MEI4: variants seen among roughly 807,000 people sequenced by gnomAD.
MEI4 encodes meiosis-specific protein MEI4.
Under a neutral mutation model 31.4 loss-of-function variants are expected in MEI4, and 27 were observed. That is an observed-to-expected ratio of 0.86 (90% CI 0.63 to 1.19). MEI4 has a LOEUF of 1.19. Among genes scored for constraint, MEI4 ranks in the 50% most tolerant of loss-of-function variants. The pLI, the probability that MEI4 is intolerant of heterozygous loss-of-function variation, is 0.00. For missense variants in MEI4, 329 were observed against 398.9 expected, an observed-to-expected ratio of 0.82 and a Z score of 1.49; for synonymous variants, 122 against 145.4, an observed-to-expected ratio of 0.84 and a Z score of 1.16.
chr6:77,867,976 C>G (rs895321904), intron 4 of MEI4, among the ~76,000 whole-genome samples: 1 of 151,798 alleles, frequency 6.6e-6, no homozygotes, highest in Non-Finnish European at 1.5e-5. Flanking sequence ...GACAAAAAAA[C>G]CAAACACCGC....
intron 2 of MEI4, among the ~76,000 whole-genome samples, chr6:77,703,408 A>G (rs1673135919): frequency 6.6e-6 from 1 of 152,206 alleles, no homozygotes; most frequent in Non-Finnish European, 1.5e-5. Context: ...TAAATGAAGA[A>G]TGACAATGTT....
At chr6:77,745,705 A>G (rs374755947) in intron 2 of MEI4, among the ~76,000 whole-genome samples, 5 of 152,288 alleles carry the variant, frequency 3.3e-5, no homozygotes, top group African/African-American at 9.6e-5. Context: ...TCCAAAATTG[A>G]CCACATACTG....
intron 4 of MEI4, among the ~76,000 whole-genome samples, chr6:77,890,224 C>T (rs1771725572): frequency 6.6e-6 from 1 of 152,152 alleles, no homozygotes. Context: ...TCAACACCAG[C>T]CCATGAAAGC....
intron 1 of MEI4, among the ~76,000 whole-genome samples, chr6:77,661,402 C>A (rs12529047): frequency 0.083 from 12,551 of 152,130 alleles, 712 homozygotes; most frequent in East Asian, 0.22. Context: ...CCGCGGTGGC[C>A]TTCTCAGACC....
At chr6:77,827,625 G>C (rs1445022962) in intron 3 of MEI4, among the ~76,000 whole-genome samples, 1 of 152,034 alleles carries the variant, frequency 6.6e-6, no homozygotes, top group Non-Finnish European at 1.5e-5. Flanking sequence ...TTAAATACAG[G>C]AAGATGTGAA....
At chr6:77,760,100 C>G (rs1768008020) in intron 2 of MEI4, among the ~76,000 whole-genome samples, 1 of 152,008 alleles carries the variant, frequency 6.6e-6, no homozygotes, top group African/African-American at 2.4e-5. Flanking sequence ...TTAGATTTAG[C>G]TTTAAATGCA....
intron 4 of MEI4, among the ~76,000 whole-genome samples, chr6:77,870,064 A>G (rs1771154322): frequency 6.6e-6 from 1 of 152,094 alleles, no homozygotes; most frequent in Non-Finnish European, 1.5e-5. Flanking sequence ...TAAAGAGAGG[A>G]AAGGGGGCAA....
upstream of MEI4, among the ~76,000 whole-genome samples, chr6:77,650,285 C>T (rs911595809): frequency 2.6e-5 from 4 of 152,210 alleles, no homozygotes; most frequent in Non-Finnish European, 5.9e-5. Context: ...GAGTTATTTT[C>T]TCTGGACTGG....
At chr6:77,770,631 G>GGT (rs775073613) in intron 3 of MEI4, among the ~76,000 whole-genome samples, 5 of 152,072 alleles carry the variant, frequency 3.3e-5, no homozygotes, top group Non-Finnish European at 7.4e-5. Flanking sequence ...GAAACAGCAA[G>GGT]GTGCTGGTAT....
intron 3 of MEI4, among the ~76,000 whole-genome samples, chr6:77,789,696 C>A (rs1337523661): frequency 6.6e-6 from 1 of 152,092 alleles, no homozygotes; most frequent in Non-Finnish European, 1.5e-5. Flanking sequence ...AAATCAAAAC[C>A]ACAATGAGAT....
chr6:77,738,337 C>T (rs1767309404), intron 2 of MEI4, among the ~76,000 whole-genome samples: 1 of 152,088 alleles, frequency 6.6e-6, no homozygotes, highest in Admixed American at 6.6e-5. Context: ...GAGAGTGATA[C>T]CTCTTTTGGT....
intron 4 of MEI4, among the ~76,000 whole-genome samples, chr6:77,906,374 G>C (rs1187038882): frequency 6.6e-6 from 1 of 152,130 alleles, no homozygotes; most frequent in African/African-American, 2.4e-5. Context: ...GTGCTTGCTA[G>C]TTGGAGTTCA....
rs890124680 is a variant in MEI4, at chr6:77,658,883, T to C, written c.-15+5791T>C. Among the ~76,000 whole-genome samples, 19 of 152,330 alleles carry C rather than the reference T, an allele frequency of 1.2e-4. No individual in the cohort carries two copies. The East Asian group carries it at 3.5e-3, about 28-fold the overall frequency. On this transcript the variant is annotated intron_variant, in intron 1 of 4. Transcript: ENST00000684080. ...GCTTGGTTGGCAAGTTTTTGGGCTC[T>C]ATCCTTGAGTTTTTTTATGTTGTCA...
intron 1 of MEI4, among the ~76,000 whole-genome samples, chr6:77,657,009 G>A (rs568395681): frequency 3.1e-4 from 47 of 152,266 alleles, no homozygotes; most frequent in African/African-American, 1.1e-3. Flanking sequence ...AGCAAATGAA[G>A]CAACTGTTTC....
chr6:77,802,625 T>C (rs569541495), intron 3 of MEI4, among the ~76,000 whole-genome samples: 3 of 152,312 alleles, frequency 2.0e-5, no homozygotes, highest in Non-Finnish European at 2.9e-5. Context: ...TTCCTTTCCA[T>C]GTGTAGTGTT....
chr6:77,810,848 T>C (rs1348514928), intron 3 of MEI4, among the ~76,000 whole-genome samples: 1 of 152,158 alleles, frequency 6.6e-6, no homozygotes, highest in Non-Finnish European at 1.5e-5. Context: ...GATTCTGTTT[T>C]ATCTTGTGGA....
intron 4 of MEI4, among the ~76,000 whole-genome samples, chr6:77,859,655 T>G (rs956852200): frequency 6.6e-6 from 1 of 152,226 alleles, no homozygotes; most frequent in African/African-American, 2.4e-5. Flanking sequence ...TTTGGCCGCA[T>G]AAATGTCTCC....
At chr6:77,783,499 T>C (rs1375790568) in intron 3 of MEI4, among the ~76,000 whole-genome samples, 1 of 152,158 alleles carries the variant, frequency 6.6e-6, no homozygotes, top group Non-Finnish European at 1.5e-5. Context: ...AAGTATGTAT[T>C]TTTTTTCTTG....
intron 3 of MEI4, among the ~76,000 whole-genome samples, chr6:77,777,465 T>A (rs2127688937): frequency 6.6e-6 from 1 of 152,198 alleles, no homozygotes; most frequent in Non-Finnish European, 1.5e-5. Context: ...GGAATTGTCC[T>A]CCCACAATCA....
Sources: allele counts gnomAD v4.1 joint callset (sites outside exome capture counted in the v4.1 genomes callset), GRCh38; gene constraint gnomAD v4.1.1; transcripts MANE v1.5; gene names NCBI Gene and HGNC (gene_info 2026-07-23, HGNC 2026-07-21).